The following ADGRG2 variants were observed in gnomAD, a reference collection of about 807,000 sequenced individuals.
The protein encoded by ADGRG2 is adhesion G protein-coupled receptor G2.
ADGRG2 carries 26 observed loss-of-function variants against 74.1 expected under a neutral mutation model. The ratio of observed to expected loss-of-function variants is 0.35; its 90% CI spans 0.26 to 0.49. The LOEUF (loss-of-function observed/expected upper bound fraction) is 0.49. Ranked by LOEUF, ADGRG2 falls within the 20% of genes least tolerant of loss-of-function variation. ADGRG2 has a pLI of 0.99. For missense variants in ADGRG2, 619 were observed against 763.1 expected (o/e 0.81, Z 2.22); for synonymous variants, 296 against 295.2 (o/e 1.00, Z -0.03).
In ADGRG2 at chrX:19,014,165, C is replaced by T. The variant is rs766124968; in HGVS notation, c.711-91G>A. The T allele has an allele frequency of 2.5e-3, 1,780 of 703,476 alleles. 5 individuals carry two copies. The highest frequency in any genetic ancestry group is 2.7e-3 in the Non-Finnish European group (1,317 of 482,225). 58.0% of individuals were successfully genotyped at this position (703,476 alleles called of 1,213,427 possible). A position where few individuals can be genotyped will look rare whatever the true frequency, so the allele number is the denominator to read the frequency against. ...CCCTCTGGCAATCATCTGACACCGT[C>T]AAGTTGACGTAGTTACATCAGGGAC... On this transcript the variant is annotated intron_variant, in intron 15 of 28. Coordinates refer to ENST00000379869, the MANE Select transcript of ADGRG2 (RefSeq NM_001079858.3).
Position 19,009,627 on chromosome X carries a change from T to C in ADGRG2, c.1421A>G (p.Gln474Arg), listed in dbSNP as rs2060311276. 3 of 1,203,058 alleles carry C rather than the reference T, an allele frequency of 2.5e-6. No homozygotes were observed. Among genetic ancestry groups the C allele is most frequent in the Non-Finnish European group, 3.4e-6 (3 of 888,999 alleles). The part of the protein sequence containing the change: ...TFVAQDPANL[Q>R]VSLETQAPEN... ...TTTCTGCCATCAATTATGATGTACCTGAAGATTTGCAGGGTCTTGGGCCAC... is the reference window on the plus strand; with the variant it reads ...TTTCTGCCATCAATTATGATGTACCCGAAGATTTGCAGGGTCTTGGGCCAC... The change falls in exon 18 of 29, where the codon CAG becomes CGG. Residue 474 changes from glutamine to arginine, a missense_variant and splice_region_variant. By Grantham distance (43) the Gln-to-Arg change is conservative. Coordinates refer to ENST00000379869, the MANE Select transcript of ADGRG2 (RefSeq NM_001079858.3).
intron 26 of ADGRG2, among the ~76,000 whole-genome samples, chrX:18,997,411 CAT>C (rs780705718): frequency 1.1e-4 from 12 of 112,180 alleles, no homozygotes; most frequent in East Asian, 2.8e-4. Flanking sequence ...CCACATTAAA[CAT>C]GTGAGGGTGG....
chrX:18,998,406 T>C (rs2060058284), intron 26 of ADGRG2, among the ~76,000 whole-genome samples: 1 of 111,070 alleles, frequency 9.0e-6, no homozygotes, highest in Non-Finnish European at 1.9e-5. Context: ...CCCCTCAATA[T>C]GGTCTCTCCA....
At chrX:19,100,433 TAAACC>T (rs1267815112) in intron 1 of ADGRG2, among the ~76,000 whole-genome samples, 5 of 113,279 alleles carry the variant, frequency 4.4e-5, no homozygotes, top group African/African-American at 1.3e-4. Context: ...TCTGTTCCAA[TAAACC>T]TTCATTTACA....
At chrX:19,120,262 C>T (rs777024061) in intron 1 of ADGRG2, among the ~76,000 whole-genome samples, 6 of 111,880 alleles carry the variant, frequency 5.4e-5, no homozygotes, top group Admixed American at 1.9e-4. Flanking sequence ...CCAAACCAAG[C>T]AATGTCCAGC....
At chrX:19,003,463 T>A (rs1202205755) in intron 23 of ADGRG2, among the ~76,000 whole-genome samples, 1 of 112,044 alleles carries the variant, frequency 8.9e-6, no homozygotes, top group Non-Finnish European at 1.9e-5. Flanking sequence ...GCACCAACCC[T>A]TATGTAAGCA....
Position 19,080,212 on chromosome X carries a change from G to A in ADGRG2, c.-2+2490C>T, listed in dbSNP as rs73193503. 9.3e-3 allele frequency among the ~76,000 whole-genome samples: 1,027 copies of A among 110,646 alleles called. 5 individuals carry two copies. Among genetic ancestry groups the A allele is most frequent in the Middle Eastern group, 0.014 (3 of 215 alleles). ...GACGTGAGCCACCGCGCCCGGCTGA[G>A]GGGTGTTCTGTTTTTTGGCTCCCTT... On this transcript the variant is annotated intron_variant, in intron 2 of 28. Transcript: ENST00000379869.
intron 1 of ADGRG2, among the ~76,000 whole-genome samples, chrX:19,114,993 A>T (rs1043742608): frequency 5.3e-5 from 6 of 112,166 alleles, no homozygotes; most frequent in Admixed American, 4.7e-4. Context: ...ATGAGTTAAT[A>T]GATGTAAAGC....
intron 3 of ADGRG2, among the ~76,000 whole-genome samples, chrX:19,063,533 A>G (rs2061519337): frequency 8.9e-6 from 1 of 112,308 alleles, no homozygotes; most frequent in African/African-American, 3.2e-5. Flanking sequence ...CCCACCGGAA[A>G]GAGGTTTTGT....
intron 8 of ADGRG2, chrX:19,032,444 C>T (rs1490947440): frequency 1.8e-5 from 2 of 111,666 alleles, no homozygotes; most frequent in Non-Finnish European, 3.8e-5. Flanking sequence ...GTCCTTTAAA[C>T]CATTGCTGTA....
chrX:19,062,040 C>G (rs2061496961), intron 3 of ADGRG2, among the ~76,000 whole-genome samples: 1 of 111,767 alleles, frequency 8.9e-6, no homozygotes, highest in Non-Finnish European at 1.9e-5. Flanking sequence ...GCTAATACAG[C>G]TCCCTTGAGC....
In ADGRG2 at chrX:19,003,624, C is replaced by T. The variant is rs147785293; in HGVS notation, c.1962-510G>A. On this transcript the variant is annotated intron_variant, in intron 23 of 28. Transcript: ENST00000379869. ...AACAAAGGAAAAATCTAAACAGAAT[C>T]ATCTGTGATAACCATAAGGAGAATT... is the stretch of plus-strand genomic sequence containing the variant. Among the ~76,000 whole-genome samples, 901 of 111,805 alleles carry T rather than the reference C, an allele frequency of 8.1e-3. 5 individuals are homozygous for T. The highest frequency in any genetic ancestry group is 0.014 in the Non-Finnish European group (745 of 53,165).
chrX:19,066,185 A>G (rs1288003888), intron 3 of ADGRG2, among the ~76,000 whole-genome samples: 1 of 112,165 alleles, frequency 8.9e-6, no homozygotes. Context: ...CTTTTTGACA[A>G]CGTGCCCCAG....
intron 10 of ADGRG2, among the ~76,000 whole-genome samples, chrX:19,027,600 C>T (rs2060732248): frequency 8.9e-6 from 1 of 112,633 alleles, no homozygotes. Context: ...ACAAAGAACA[C>T]TATTAACATT....
chrX:19,079,754 C>T (rs1011416262), intron 2 of ADGRG2, among the ~76,000 whole-genome samples: 2 of 111,639 alleles, frequency 1.8e-5, no homozygotes, highest in African/African-American at 6.5e-5. Flanking sequence ...TCTTAATAAG[C>T]GGTAAGTGCT....
intron 2 of ADGRG2, among the ~76,000 whole-genome samples, chrX:19,077,442 A>T (rs1366477131): frequency 1.5e-4 from 16 of 103,724 alleles, no homozygotes; most frequent in African/African-American, 5.7e-4. Flanking sequence ...AGAACCCAGG[A>T]GGCAGAGGTT....
In ADGRG2 at chrX:18,999,875, A is replaced by G; in HGVS notation, c.2316T>C (p.Gly772=). The G allele has an allele frequency of 8.5e-7, 1 of 1,174,230 alleles. No homozygotes were observed. The highest frequency in any genetic ancestry group is 1.2e-6 in the Non-Finnish European group (1 of 861,656). The change falls in exon 25 of 29, where the codon GGT becomes GGC. Residue 772 remains glycine (G), a synonymous_variant. Transcript: ENST00000379869. Reference sequence around the variant, plus strand: ...TTTGTACTCACAAGTCATCCGGTGAACCATTGGGGAATTTCCCATAGGATC... The same window carrying G: ...TTTGTACTCACAAGTCATCCGGTGAGCCATTGGGGAATTTCCCATAGGATC... ...GLGSYGKFPN[G]SPDDFCWINN...
chrX:19,080,154 C>T (rs924476784), intron 2 of ADGRG2, among the ~76,000 whole-genome samples: 17 of 110,066 alleles, frequency 1.5e-4, no homozygotes, highest in Non-Finnish European at 2.7e-4. Context: ...AGATGACCCA[C>T]CCGCCTCGGC....
At chrX:19,005,908 C>A in intron 22 of ADGRG2, 94 bp downstream of exon 22, 3 of 557,995 alleles carry the variant, frequency 5.4e-6, no homozygotes, top group South Asian at 2.5e-5. Context: ...GCTGATCTGT[C>A]ACGGTTATCC....
Sources: gnomAD v4.1 joint callset for allele counts (sites outside exome capture counted in the v4.1 genomes callset) on GRCh38, gnomAD v4.1.1 for gene constraint, MANE v1.5 for transcripts, NCBI Gene and HGNC (gene_info 2026-07-23, HGNC 2026-07-21) for gene names.